Variants in RER1 observed in about 807,000 individuals in gnomAD.
RER1 encodes the protein retention in endoplasmic reticulum sorting receptor 1, also known as protein RER1.
Under a neutral mutation model 28.3 loss-of-function variants are expected in RER1, and 6 were observed. The observed-to-expected ratio is 0.21, with a 90% CI of 0.12 to 0.42. The LOEUF is 0.42. RER1 is among the 10% of genes least tolerant of loss of function. The pLI, the probability that RER1 is intolerant of heterozygous loss-of-function variation, is 1.00. For synonymous variants in RER1, 110 were observed against 95.9 expected (o/e 1.15, Z -0.86); for missense variants, 159 against 252.9 (o/e 0.63, Z 2.52).
chr1:2,393,192 T>C (rs960585653), intron 1 of RER1: 30 of 152,006 alleles, frequency 2.0e-4, no homozygotes, highest in African/African-American at 7.3e-4. Flanking sequence ...TCCCTTTCTG[T>C]TTTGTTTGTG....
chr1:2,399,255 A>T (rs1642811500), intron 3 of RER1, among the ~76,000 whole-genome samples, 160 bp from the exon 4 acceptor site: 1 of 152,112 alleles, frequency 6.6e-6, no homozygotes, highest in Non-Finnish European at 1.5e-5. Context: ...TTACCATGGG[A>T]TTTCACTGTA....
rs1209998021 is a variant in RER1, at chr1:2,405,331, C to T, written c.*2207C>T. ...CTGGCTGAAGCAACCCGCCAGCCTC[C>T]GTGCCCCACCCCACCCAGCACGCAC... On this transcript the variant is annotated 3_prime_UTR_variant, in exon 7 of 7. Transcript: ENST00000605895. The T allele has an allele frequency of 1.2e-5, 4 of 333,048 alleles. No homozygotes were observed. The highest frequency in any genetic ancestry group is 4.8e-5 in the South Asian group (2 of 41,478). 20.6% of individuals were successfully genotyped at this position (333,048 alleles called of 1,614,324 possible). A position where few individuals can be genotyped will look rare whatever the true frequency, so the allele number is the denominator to read the frequency against.
chr1:2,400,801 G>A, intron 4 of RER1, 56 bp from the exon 5 acceptor site: 1 of 1,390,936 alleles, frequency 7.2e-7, no homozygotes, highest in South Asian at 1.2e-5. Context: ...GGAAAAGGTA[G>A]AACTGTGATG....
chr1:2,397,517 G>A (rs542222911), intron 3 of RER1, among the ~76,000 whole-genome samples: 1 of 152,260 alleles, frequency 6.6e-6, no homozygotes, highest in East Asian at 1.9e-4. Context: ...GTGTCCCTCC[G>A]ACCCTGCTGC....
chr1:2,399,485 A>G lies in RER1; in HGVS notation c.257A>G (p.Lys86Arg), dbSNP rs1353539430. The G allele has an allele frequency of 1.2e-6, 2 of 1,612,204 alleles. No homozygotes were observed. The highest frequency in any genetic ancestry group is 1.7e-6 in the Non-Finnish European group (2 of 1,178,378). The change falls in exon 4 of 7, where the codon AAA becomes AGA. Residue 86 changes from lysine (K) to arginine (R), a missense_variant. Transcript: ENST00000605895. ...LNLFIAFLSP[K>R]VDPSLMEDSD... ...CTTTTCATAGCTTTTCTTTCTCCCA[A>G]AGTGGATCCTTCCTTAATGGAAGAC...
chr1:2,394,129 A>C (rs1374623731), intron 1 of RER1: 1 of 152,200 alleles, frequency 6.6e-6, no homozygotes, highest in Non-Finnish European at 1.5e-5. Flanking sequence ...TCCAGGTGAC[A>C]CATTTTAGTG....
At chr1:2,395,282 T>A (rs976348347) in intron 1 of RER1, 2 of 164,946 alleles carry the variant, frequency 1.2e-5, no homozygotes, top group Admixed American at 1.1e-4. Flanking sequence ...AACATTTTCC[T>A]GTTCATGGGG....
chr1:2,398,591 G>T (rs1642801920), intron 3 of RER1, among the ~76,000 whole-genome samples: 2 of 152,234 alleles, frequency 1.3e-5, no homozygotes, highest in African/African-American at 4.8e-5. Context: ...GTTTCACCAT[G>T]TTGGCCAGGC....
At chr1:2,401,288 T>C (rs1369359056) in intron 5 of RER1, among the ~76,000 whole-genome samples, 27 of 38,558 alleles carry the variant, frequency 7.0e-4, no homozygotes, top group South Asian at 1.1e-3. Flanking sequence ...CCCTCCTCCT[T>C]CCTCCCTCCT....
chr1:2,401,593 T>C (rs1435060047), intron 5 of RER1, among the ~76,000 whole-genome samples: 1 of 151,388 alleles, frequency 6.6e-6, no homozygotes, highest in African/African-American at 2.4e-5. Flanking sequence ...GTTTGTCTTG[T>C]CCCTCATACC....
chr1:2,404,999 G>C lies in RER1; in HGVS notation c.*1875G>C, dbSNP rs1642949836. ...CGCCTGCCCAGCAGGCCCCCCAGGA[G>C]AGGGCTCGGGCGCCCCTGGCAGCCC... On this transcript the variant is annotated 3_prime_UTR_variant, in exon 7 of 7. Coordinates refer to ENST00000605895, the MANE Select transcript of RER1 (RefSeq NM_007033.5). 6.5e-6 allele frequency: 1 copy of C among 154,942 alleles called. No homozygotes were observed. The highest frequency in any genetic ancestry group is 1.4e-5 in the Non-Finnish European group (1 of 69,582). The allele number at this position is 154,942 out of a possible 1,614,324, so 9.6% of individuals were successfully genotyped here.
chr1:2,397,174 C>T lies in RER1; in HGVS notation c.140C>T (p.Thr47Ile). The T allele has an allele frequency of 6.2e-7, 1 of 1,614,096 alleles. No individual in the cohort carries two copies. The highest frequency in any genetic ancestry group is 8.5e-7 in the Non-Finnish European group (1 of 1,179,958). ...TACACGGCTGTGCGATGGGTCGTGA[C>T]ACTGGGCCTGAGCTTTGTCTACATG... ...TPYTAVRWVV[T>I]LGLSFVYMIR... Residue 47 changes from threonine to isoleucine, a missense_variant, in exon 3 of 7, where the codon ACA becomes ATA. By Grantham distance (89) the Thr-to-Ile change is moderately conservative. Transcript: ENST00000605895.
At chr1:2,395,666 A>C in intron 1 of RER1, 118 bp from the exon 2 acceptor site, 1 of 746,252 alleles carries the variant, frequency 1.3e-6, no homozygotes, top group Non-Finnish European at 2.4e-6. Flanking sequence ...CACAAATGGT[A>C]TATGGACAAA....
intron 5 of RER1, among the ~76,000 whole-genome samples, chr1:2,401,299 T>C (rs1394594024): frequency 2.4e-4 from 7 of 29,124 alleles, no homozygotes; most frequent in Non-Finnish European, 4.9e-4. Flanking sequence ...CCTCCCTCCT[T>C]CCTGCCGCCT....
At position 2,397,323 on chromosome 1, in the gene RER1, T is replaced by C. The variant is rs531104608; in HGVS notation, c.186+103T>C. The C allele has an allele frequency of 3.8e-5, 29 of 762,582 alleles. No homozygotes were observed. The Admixed American group carries it at 5.6e-4, about 15-fold the overall frequency. 47.2% of individuals were successfully genotyped at this position (762,582 alleles called of 1,614,324 possible). A position where few individuals can be genotyped will look rare whatever the true frequency, so the allele number is the denominator to read the frequency against. On this transcript the variant is annotated intron_variant, in intron 3 of 6. Transcript: ENST00000605895. The stretch of plus-strand genomic sequence containing the variant: ...CCAGTCTGTCTTGCAGGAAGTGGTC[T>C]CTAGTAATCAATTTTCAGCTAAACG...
Position 2,399,408 on chromosome 1 carries a change from C to T in RER1, c.187-7C>T, listed in dbSNP as rs369312219. On this transcript the variant is annotated splice_region_variant and splice_polypyrimidine_tract_variant and intron_variant, in intron 3 of 6. Coordinates refer to ENST00000605895, the MANE Select transcript of RER1 (RefSeq NM_007033.5). ...TGCACCACTGACTCTCTTTCCTTCT[C>T]TTTCAGGGTTGGTACATTGTGACCT... 6.9e-6 allele frequency: 11 copies of T among 1,590,236 alleles called. No individual in the cohort carries two copies. Among genetic ancestry groups the T allele is most frequent in the African/African-American group, 2.7e-5 (2 of 74,426 alleles).
intron 3 of RER1, 56 bp from the exon 4 acceptor site, chr1:2,399,359 G>C: frequency 8.1e-7 from 1 of 1,227,452 alleles, no homozygotes; most frequent in Non-Finnish European, 1.2e-6. Flanking sequence ...ACGTGAACTG[G>C]CTCAGGCTGA....
chr1:2,402,127 C>T (rs1238176556), intron 5 of RER1, 80 bp from the exon 6 acceptor site: 15 of 1,613,850 alleles, frequency 9.3e-6, no homozygotes, highest in Non-Finnish European at 1.3e-5. Context: ...ACGGTCGGTG[C>T]AGCTGCAAGG....
At position 2,395,813 on chromosome 1, in the gene RER1, G is replaced by A. The variant is rs1642760319; in HGVS notation, c.23G>A (p.Gly8Glu). 1 of 1,613,990 alleles carries A rather than the reference G, an allele frequency of 6.2e-7. No individual in the cohort carries two copies. Among genetic ancestry groups the A allele is most frequent in the African/African-American group, 1.3e-5 (1 of 75,056 alleles). ...AGAATGTCTGAAGGGGACAGTGTGG[G>A]AGAATCCGTCCATGGGAAACCTTCG... is the stretch of plus-strand genomic sequence containing the variant. MSEGDSV[G>E]ESVHGKPSVV... is the part of the protein sequence containing the mutation. Residue 8 changes from glycine (G) to glutamate (E), a missense_variant, in exon 2 of 7, where the codon GGA becomes GAA. Gly to Glu is a moderately conservative substitution (Grantham distance 98). Coordinates refer to ENST00000605895, the MANE Select transcript of RER1 (RefSeq NM_007033.5).
Sources: allele counts gnomAD v4.1 joint callset (sites outside exome capture counted in the v4.1 genomes callset), GRCh38; gene constraint gnomAD v4.1.1; transcripts MANE v1.5; gene names NCBI Gene and HGNC (gene_info 2026-07-23, HGNC 2026-07-21).